Variants in GPC6 observed in about 807,000 individuals in gnomAD.
GPC6 encodes the protein glypican-6.
A neutral mutation model predicts 55.2 loss-of-function variants in GPC6; 14 were observed. That is an observed-to-expected ratio of 0.25 (90% CI 0.17 to 0.40). GPC6 has a LOEUF of 0.40. GPC6 is among the 10% of genes least tolerant of loss of function. GPC6 has a pLI of 1.00. For missense variants in GPC6, 641 were observed against 708.5 expected (o/e 0.90, Z 1.08); for synonymous variants, 278 against 259.6 (o/e 1.07, Z -0.68).
intron 4 of GPC6, among the ~76,000 whole-genome samples, chr13:94,041,666 A>G (rs1883540637): frequency 6.6e-6 from 1 of 151,854 alleles, no homozygotes; most frequent in African/African-American, 2.4e-5. Flanking sequence ...CCTTTATCTG[A>G]ATGAATAAAA....
chr13:93,652,572 G>A (rs1466737891), intron 2 of GPC6, among the ~76,000 whole-genome samples: 1 of 152,102 alleles, frequency 6.6e-6, no homozygotes, highest in African/African-American at 2.4e-5. Flanking sequence ...TTTCAACTCT[G>A]TCCCCTTCTA....
intron 4 of GPC6, among the ~76,000 whole-genome samples, chr13:94,116,998 AC>A (rs759497087): frequency 2.6e-5 from 4 of 152,048 alleles, no homozygotes; most frequent in Non-Finnish European, 4.4e-5. Flanking sequence ...CAAATACAGT[AC>A]TATGTTTCTG....
rs1296784879 is a variant in GPC6, at chr13:94,175,965, G to T, written c.878-110384G>T. 5.1e-3 allele frequency among the ~76,000 whole-genome samples: 699 copies of T among 136,698 alleles called. 6 individuals are homozygous for T. The highest frequency in any genetic ancestry group is 6.2e-3 in the African/African-American group (240 of 38,644). The allele number at this position is 136,698 out of a possible 152,430, so 89.7% of individuals were successfully genotyped here. ...ATATATATATATATATAGAGAGAGA[G>T]AGAGAGAGAGAGAGAGAGAGAGAGA... On this transcript the variant is annotated intron_variant, in intron 4 of 8. Transcript: ENST00000377047.
chr13:93,770,139 T>TA (rs1885246747), intron 2 of GPC6, among the ~76,000 whole-genome samples: 1 of 152,174 alleles, frequency 6.6e-6, no homozygotes, highest in Non-Finnish European at 1.5e-5. Flanking sequence ...CTAATTATTC[T>TA]AAAAAACCAT....
chr13:93,601,076 G>A (rs3898859), intron 2 of GPC6, among the ~76,000 whole-genome samples: 57,151 of 151,488 alleles, frequency 0.38, 11,063 homozygotes, highest in African/African-American at 0.45. Flanking sequence ...AAAGACGAGG[G>A]GAAAACAGGA....
the GPC6 span, among the ~76,000 whole-genome samples, chr13:93,218,204 T>C: frequency 6.6e-6 from 1 of 151,738 alleles, no homozygotes; most frequent in East Asian, 1.9e-4. Context: ...TGAAATGTAA[T>C]AAAATGTGCG....
intron 1 of GPC6, among the ~76,000 whole-genome samples, chr13:93,363,117 G>GTTTT (rs199840187): frequency 8.9e-4 from 112 of 125,852 alleles, no homozygotes; most frequent in East Asian, 3.7e-3. Context: ...CTTTTTTTTT[G>GTTTT]TTTTTTTTTT....
chr13:94,389,505 C>G (rs545844107), intron 7 of GPC6, among the ~76,000 whole-genome samples: 1 of 152,216 alleles, frequency 6.6e-6, no homozygotes, highest in East Asian at 1.9e-4. Flanking sequence ...TTCAAATAGG[C>G]CCTTACCTTT....
At chr13:94,043,577 T>C (rs1883618681) in intron 4 of GPC6, among the ~76,000 whole-genome samples, 1 of 151,880 alleles carries the variant, frequency 6.6e-6, no homozygotes, top group South Asian at 2.1e-4. Flanking sequence ...TGTGTATATG[T>C]ATATGTATAT....
chr13:93,561,498 C>A (rs991870490), intron 2 of GPC6, among the ~76,000 whole-genome samples: 1 of 147,908 alleles, frequency 6.8e-6, no homozygotes, highest in Non-Finnish European at 1.5e-5. Context: ...GAACATGATC[C>A]TAAATTACAC....
chr13:93,488,018 G>A (rs535561371), intron 1 of GPC6, among the ~76,000 whole-genome samples: 16 of 152,038 alleles, frequency 1.1e-4, no homozygotes, highest in African/African-American at 3.6e-4. Flanking sequence ...TGTGCACAAC[G>A]TGCAGGTTTG....
intron 4 of GPC6, among the ~76,000 whole-genome samples, chr13:94,227,116 G>T (rs1324598811): frequency 6.6e-6 from 1 of 152,168 alleles, no homozygotes; most frequent in East Asian, 1.9e-4. Flanking sequence ...GGATTTTGTA[G>T]TCAACAAAAC....
At chr13:93,748,221 A>G (rs148762776) in intron 2 of GPC6, among the ~76,000 whole-genome samples, 1 of 152,218 alleles carries the variant, frequency 6.6e-6, no homozygotes, top group African/African-American at 2.4e-5. Flanking sequence ...TTAGCCTTTA[A>G]ATGACATATT....
chr13:93,879,959 A>C (rs975705026), intron 3 of GPC6, among the ~76,000 whole-genome samples: 2 of 151,028 alleles, frequency 1.3e-5, no homozygotes, highest in Non-Finnish European at 3.0e-5. Context: ...AAAACACATG[A>C]AAAAATGCTC....
At chr13:93,425,738 T>C (rs1877101412) in intron 1 of GPC6, among the ~76,000 whole-genome samples, 1 of 152,178 alleles carries the variant, frequency 6.6e-6, no homozygotes, top group Non-Finnish European at 1.5e-5. Flanking sequence ...CCTCTCACCA[T>C]TTCCTATGGC....
intron 2 of GPC6, among the ~76,000 whole-genome samples, chr13:93,651,925 T>C (rs1880433315): frequency 6.6e-6 from 1 of 152,164 alleles, no homozygotes; most frequent in South Asian, 2.1e-4. Context: ...CGGTATCCAT[T>C]AAATGCTCCC....
intron 1 of GPC6, among the ~76,000 whole-genome samples, chr13:93,369,616 T>C (rs941900582): frequency 1.3e-5 from 2 of 152,152 alleles, no homozygotes; most frequent in African/African-American, 4.8e-5. Flanking sequence ...GTGATAATCA[T>C]GTTTGGATAT....
intron 6 of GPC6, among the ~76,000 whole-genome samples, chr13:94,344,626 A>C (rs910289892): frequency 6.6e-6 from 1 of 152,232 alleles, no homozygotes; most frequent in African/African-American, 2.4e-5. Context: ...GTCTGCAGAG[A>C]ATATCAGAGC....
chr13:93,550,677 A>T (rs1429286764), intron 2 of GPC6, among the ~76,000 whole-genome samples: 3 of 152,096 alleles, frequency 2.0e-5, no homozygotes, highest in Non-Finnish European at 4.4e-5. Context: ...TGATTTTTTT[A>T]ATATATGGCC....
Sources: allele counts gnomAD v4.1 joint callset (sites outside exome capture counted in the v4.1 genomes callset), GRCh38; gene constraint gnomAD v4.1.1; transcripts MANE v1.5; gene names NCBI Gene and HGNC (gene_info 2026-07-23, HGNC 2026-07-21).